Variants in PDE4B observed in about 807,000 individuals in gnomAD.
The protein encoded by PDE4B is phosphodiesterase 4B.
Under a neutral mutation model 82.2 loss-of-function variants are expected in PDE4B, and 20 were observed. The observed-to-expected ratio is 0.24, with a 90% CI of 0.17 to 0.35. The LOEUF (loss-of-function observed/expected upper bound fraction) is 0.35, where lower values mean the gene tolerates loss of function less well. Among genes scored for constraint, PDE4B ranks in the 10% least tolerant of loss-of-function variants. The pLI is 1.00. For synonymous variants in PDE4B, 320 were observed against 318.9 expected, an observed-to-expected ratio of 1.00 and a Z score of -0.04; for missense variants, 655 against 907.2, an observed-to-expected ratio of 0.72 and a Z score of 3.57.
In PDE4B at chr1:65,861,262, A is replaced by G. The variant is rs562908484; in HGVS notation, c.-70-51983A>G. Among the ~76,000 whole-genome samples the G allele has an allele frequency of 7.0e-4, 106 of 152,304 alleles. 1 individual carries two copies. Among genetic ancestry groups the G allele is most frequent in the Middle Eastern group, 3.4e-3 (1 of 294 alleles). On this transcript the variant is annotated intron_variant, in intron 1 of 16. Coordinates refer to ENST00000341517, the MANE Select transcript of PDE4B (RefSeq NM_002600.4). ...AAGGAGTGCAGTTTCTCTCTTCTGC[A>G]TACAGCTAGTGAGTTTTCTCAGCAC...
chr1:65,986,880 T>C (rs1347554020), intron 3 of PDE4B, among the ~76,000 whole-genome samples: 6 of 152,202 alleles, frequency 3.9e-5, no homozygotes. Flanking sequence ...AGGGTGATTA[T>C]GGGGGACTTC....
intron 3 of PDE4B, among the ~76,000 whole-genome samples, chr1:66,234,328 G>A (rs750860396): frequency 5.9e-5 from 9 of 152,170 alleles, no homozygotes; most frequent in Middle Eastern, 3.4e-3. Context: ...TTGCTCTGTC[G>A]CCAAGACTGG....
chr1:66,036,572 G>T (rs1654074862), intron 3 of PDE4B, among the ~76,000 whole-genome samples: 1 of 152,142 alleles, frequency 6.6e-6, no homozygotes, highest in South Asian at 2.1e-4. Flanking sequence ...TTATTGAAGT[G>T]ACTGTCTTTT....
At chr1:66,118,284 C>A (rs898187636) in intron 3 of PDE4B, among the ~76,000 whole-genome samples, 1 of 152,058 alleles carries the variant, frequency 6.6e-6, no homozygotes, top group African/African-American at 2.4e-5. Flanking sequence ...ATGTTTATTG[C>A]GGCACTATTC....
intron 8 of PDE4B, among the ~76,000 whole-genome samples, chr1:66,336,750 G>A (rs1570718603): frequency 6.6e-6 from 1 of 152,162 alleles, no homozygotes; most frequent in East Asian, 1.9e-4. Context: ...AAGGCATTGT[G>A]AAGTCGGCTA....
intron 3 of PDE4B, among the ~76,000 whole-genome samples, chr1:66,218,449 C>T (rs1650683492): frequency 6.6e-6 from 1 of 152,160 alleles, no homozygotes; most frequent in Non-Finnish European, 1.5e-5. Context: ...GGAGATGACT[C>T]CAGCCATGCT....
chr1:66,164,407 G>A (rs1240510938), intron 3 of PDE4B, among the ~76,000 whole-genome samples: 2 of 151,460 alleles, frequency 1.3e-5, no homozygotes, highest in African/African-American at 4.9e-5. Flanking sequence ...GTGGTGGCAG[G>A]TGCCTGTAAT....
intron 3 of PDE4B, among the ~76,000 whole-genome samples, chr1:66,058,755 T>C (rs991925271): frequency 6.6e-6 from 1 of 152,108 alleles, no homozygotes. Flanking sequence ...ACAGGGGGCC[T>C]GGGCCCGGGC....
At chr1:65,966,356 T>C (rs1475787857) in intron 3 of PDE4B, among the ~76,000 whole-genome samples, 1 of 152,104 alleles carries the variant, frequency 6.6e-6, no homozygotes, top group Non-Finnish European at 1.5e-5. Flanking sequence ...GTGAAGGACC[T>C]CTTCAAGAAG....
chr1:66,363,077 AAC>A (rs1250312255), intron 10 of PDE4B, 89 bp from the exon 11 acceptor site: 2 of 833,422 alleles, frequency 2.4e-6, no homozygotes, highest in African/African-American at 3.4e-5. Flanking sequence ...TAAAGACTTA[AAC>A]AGCCAATGTC....
intron 4 of PDE4B, among the ~76,000 whole-genome samples, 174 bp downstream of exon 4, chr1:66,247,828 C>T (rs1570551767): frequency 6.6e-6 from 1 of 152,112 alleles, no homozygotes; most frequent in African/African-American, 2.4e-5. Context: ...CTATAGCATG[C>T]GGAATATGTA....
intron 3 of PDE4B, among the ~76,000 whole-genome samples, chr1:66,218,201 C>T (rs1650657833): frequency 6.6e-6 from 1 of 152,010 alleles, no homozygotes; most frequent in Non-Finnish European, 1.5e-5. Context: ...CTTCTAACTA[C>T]CAAATTAAGG....
chr1:66,336,144 C>A (rs192890984), intron 8 of PDE4B, among the ~76,000 whole-genome samples: 1 of 152,172 alleles, frequency 6.6e-6, no homozygotes, highest in Non-Finnish European at 1.5e-5. Flanking sequence ...TTCCTGACCT[C>A]GTGTCACCAA....
intron 7 of PDE4B, among the ~76,000 whole-genome samples, chr1:66,328,168 G>A (rs567164195): frequency 2.0e-5 from 3 of 152,286 alleles, no homozygotes; most frequent in African/African-American, 7.2e-5. Context: ...TTCTCTTCCT[G>A]TTTCTCAGAG....
intron 3 of PDE4B, among the ~76,000 whole-genome samples, chr1:66,054,417 ATATT>A (rs1027455824): frequency 5.3e-5 from 8 of 151,860 alleles, no homozygotes; most frequent in African/African-American, 1.9e-4. Flanking sequence ...GTTAAAAAAC[ATATT>A]TATCAGCTCC....
chr1:66,372,351 G>A lies in PDE4B; in HGVS notation c.1884G>A (p.Glu628=). ...FIDYIVHPLW[E]TWADLVQPDA... ...ACTACATTGTCCATCCATTGTGGGA[G>A]ACATGGGCAGATTTGGTACAGCCTG... Residue 628 remains glutamate, a synonymous_variant, in exon 17 of 17, where the codon GAG becomes GAA. Transcript: ENST00000341517. The A allele has an allele frequency of 6.2e-7, 1 of 1,613,736 alleles. No individual in the cohort carries two copies. Among genetic ancestry groups the A allele is most frequent in the Non-Finnish European group, 8.5e-7 (1 of 1,179,700 alleles).
chr1:65,929,900 G>A (rs1029352505), intron 3 of PDE4B, among the ~76,000 whole-genome samples: 1 of 152,138 alleles, frequency 6.6e-6, no homozygotes, highest in Non-Finnish European at 1.5e-5. Flanking sequence ...ATATTAAGCA[G>A]CCAACTCCAG....
At position 66,332,309 on chromosome 1, in the gene PDE4B, A is replaced by G. The variant is rs1660176987; in HGVS notation, c.635-199A>G. On this transcript the variant is annotated intron_variant, in intron 7 of 16. Coordinates refer to ENST00000341517, the MANE Select transcript of PDE4B (RefSeq NM_002600.4). ...GCGGGGGGTTGGGGGGAAACTTGGC[A>G]CCAGCCATCCCAGGCAGAGCACCAC... 7 of 1,554,808 alleles carry G rather than the reference A, an allele frequency of 4.5e-6. No homozygotes were observed. The Admixed American group carries it at 1.1e-4, about 25-fold the overall frequency.
chr1:65,930,829 A>T lies in PDE4B; in HGVS notation c.281+11994A>T, dbSNP rs1647790103. Among the ~76,000 whole-genome samples the T allele has an allele frequency of 2.6e-5, 4 of 152,306 alleles. 1 individual carries two copies. The South Asian group carries it at 8.3e-4, about 32-fold the overall frequency. ...CTGTGGAGTTTTGAGTTAATGCTGG[A>T]ATGAATTAAGACTTTGGGAAACTGT... On this transcript the variant is annotated intron_variant, in intron 3 of 16. Coordinates refer to ENST00000341517, the MANE Select transcript of PDE4B (RefSeq NM_002600.4).
Sources: gnomAD v4.1 joint callset for allele counts (sites outside exome capture counted in the v4.1 genomes callset) on GRCh38, gnomAD v4.1.1 for gene constraint, MANE v1.5 for transcripts, NCBI Gene and HGNC (gene_info 2026-07-23, HGNC 2026-07-21) for gene names.